EYA1: variants seen among roughly 807,000 people sequenced by gnomAD.
EYA1 encodes EYA transcriptional coactivator and phosphatase 1.
EYA1 carries 16 observed loss-of-function variants against 82.0 expected under a neutral mutation model. The observed-to-expected ratio is 0.20, with a 90% CI of 0.13 to 0.30. The LOEUF (loss-of-function observed/expected upper bound fraction) is 0.30. EYA1 is among the 10% of genes least tolerant of loss of function. EYA1 has a pLI of 1.00. For synonymous variants in EYA1, 261 were observed against 264.4 expected (o/e 0.99, Z 0.12); for missense variants, 633 against 730.7 (o/e 0.87, Z 1.54).
intron 2 of EYA1, among the ~76,000 whole-genome samples, chr8:71,459,171 T>G (rs968757400): frequency 2.0e-5 from 3 of 152,246 alleles, no homozygotes; most frequent in African/African-American, 7.2e-5. Context: ...TCTGCTGTGC[T>G]CATTATGGCA....
chr8:71,414,098 C>T (rs1273536176), intron 2 of EYA1, among the ~76,000 whole-genome samples: 2 of 152,146 alleles, frequency 1.3e-5, no homozygotes, highest in Non-Finnish European at 2.9e-5. Context: ...GAGGGAAGGC[C>T]CTACATAGTT....
intron 3 of EYA1, among the ~76,000 whole-genome samples, chr8:71,353,161 G>T (rs542589103): frequency 6.6e-6 from 1 of 152,270 alleles, no homozygotes; most frequent in South Asian, 2.1e-4. Flanking sequence ...TCACCTACGG[G>T]CCTTCTGCAG....
chr8:71,471,263 G>T (rs920273955), intron 2 of EYA1, among the ~76,000 whole-genome samples: 1 of 151,714 alleles, frequency 6.6e-6, no homozygotes, highest in Non-Finnish European at 1.5e-5. Context: ...TATACAATTG[G>T]GTTACAAAAT....
intron 9 of EYA1, among the ~76,000 whole-genome samples, chr8:71,291,382 T>C (rs1454588825): frequency 6.6e-6 from 1 of 152,200 alleles, no homozygotes. Flanking sequence ...TTCCCTCTTA[T>C]ACTGATTTTT....
intron 2 of EYA1, among the ~76,000 whole-genome samples, chr8:71,376,684 T>A (rs1828393098): frequency 6.6e-6 from 1 of 152,120 alleles, no homozygotes; most frequent in African/African-American, 2.4e-5. Flanking sequence ...AGAAAGAAAC[T>A]AAGGATGACT....
At chr8:71,274,599 T>C (rs916280545) in intron 9 of EYA1, among the ~76,000 whole-genome samples, 1 of 152,212 alleles carries the variant, frequency 6.6e-6, no homozygotes, top group African/African-American at 2.4e-5. Context: ...TATAATGATG[T>C]AGCAAACAGA....
At chr8:71,296,043 T>C (rs9693927) in intron 9 of EYA1, among the ~76,000 whole-genome samples, 125,756 of 151,966 alleles carry the variant, frequency 0.83, 52,697 homozygotes, top group African/African-American at 0.95. Context: ...TAGATTCTAA[T>C]GTATCTGCAG....
intron 3 of EYA1, among the ~76,000 whole-genome samples, chr8:71,336,341 G>T (rs1277670037): frequency 2.0e-5 from 3 of 152,200 alleles, no homozygotes; most frequent in African/African-American, 7.2e-5. Flanking sequence ...TAGTGAACTT[G>T]CTGGAAATTC....
chr8:71,274,889 C>T (rs929955263), intron 9 of EYA1, among the ~76,000 whole-genome samples: 3 of 145,336 alleles, frequency 2.1e-5, no homozygotes, highest in East Asian at 2.0e-4. Context: ...AGTGAGCGAG[C>T]GAGAGAGAGA....
rs1258569892 is a variant in EYA1 at position 71,514,144 on chromosome 8, A to G, written c.33+21600T>C. Among the ~76,000 whole-genome samples the G allele has an allele frequency of 2.0e-5, 3 of 152,288 alleles. No individual in the cohort carries two copies. The East Asian group carries it at 5.8e-4, about 29-fold the overall frequency. The stretch of plus-strand genomic sequence containing the variant: ...TGCTGATTTCACTTATTTTATGTAT[A>G]TACACAGCACTGGAATTGCTGGATC... On this transcript the variant is annotated intron_variant, in intron 2 of 18. Transcript: ENST00000643681.
At chr8:71,398,919 C>T (rs2129124165) in intron 2 of EYA1, among the ~76,000 whole-genome samples, 1 of 152,322 alleles carries the variant, frequency 6.6e-6, no homozygotes, top group East Asian at 1.9e-4. Context: ...GTAGGCAGGC[C>T]TCCTTGAGTA....
chr8:71,347,086 AACACTT>A (rs1184999794), intron 3 of EYA1, among the ~76,000 whole-genome samples: 1 of 152,202 alleles, frequency 6.6e-6, no homozygotes, highest in Non-Finnish European at 1.5e-5. Flanking sequence ...AGGTAACATA[AACACTT>A]CTTAGGGAAG....
chr8:71,515,907 T>C (rs1812941052), intron 2 of EYA1, among the ~76,000 whole-genome samples: 1 of 152,168 alleles, frequency 6.6e-6, no homozygotes. Context: ...CTTTGATATA[T>C]CACATAAAAT....
chr8:71,463,599 CT>C (rs1808541206), intron 2 of EYA1, among the ~76,000 whole-genome samples: 1 of 131,234 alleles, frequency 7.6e-6, no homozygotes, highest in East Asian at 2.3e-4. Context: ...CTCTCTCTCT[CT>C]CTCTCTCTCT....
At chr8:71,411,893 G>C (rs1830610627) in intron 2 of EYA1, among the ~76,000 whole-genome samples, 1 of 150,318 alleles carries the variant, frequency 6.7e-6, no homozygotes, top group Admixed American at 6.6e-5. Flanking sequence ...ATACCCAAAT[G>C]ACTATAAATC....
At chr8:71,468,496 T>C (rs1028755683) in intron 2 of EYA1, among the ~76,000 whole-genome samples, 3 of 152,160 alleles carry the variant, frequency 2.0e-5, no homozygotes, top group Non-Finnish European at 4.4e-5. Flanking sequence ...GGTTAGAACT[T>C]GTCTAACGAT....
At chr8:71,247,578 ATCTATGAAAT>A (rs1366700271) in intron 11 of EYA1, among the ~76,000 whole-genome samples, 1 of 152,170 alleles carries the variant, frequency 6.6e-6, no homozygotes, top group Non-Finnish European at 1.5e-5. Flanking sequence ...TACACCTGAA[ATCTATGAAAT>A]TCTATGAAAT....
At chr8:71,318,648 C>A (rs1040337017) in intron 6 of EYA1, among the ~76,000 whole-genome samples, 1 of 151,986 alleles carries the variant, frequency 6.6e-6, no homozygotes, top group East Asian at 1.9e-4. Flanking sequence ...AAATTTCTGC[C>A]GAGGGAATTC....
chr8:71,282,743 G>T (rs908466420), intron 9 of EYA1, among the ~76,000 whole-genome samples: 1 of 152,086 alleles, frequency 6.6e-6, no homozygotes, highest in African/African-American at 2.4e-5. Context: ...CTACAGTCCT[G>T]GTTAACTCAT....
Sources: gnomAD v4.1 joint callset for allele counts (sites outside exome capture counted in the v4.1 genomes callset) on GRCh38, gnomAD v4.1.1 for gene constraint, MANE v1.5 for transcripts, NCBI Gene and HGNC (gene_info 2026-07-23, HGNC 2026-07-21) for gene names.